STXBP5L: variants seen among roughly 807,000 people sequenced by gnomAD.
STXBP5L encodes the protein syntaxin-binding protein 5-like.
STXBP5L carries 65 observed loss-of-function variants against 144.5 expected under a neutral mutation model. The ratio of observed to expected loss-of-function variants is 0.45; its 90% CI spans 0.37 to 0.55. STXBP5L has a LOEUF of 0.55. Ranked by LOEUF, STXBP5L falls within the 20% of genes least tolerant of loss-of-function variation. The probability of loss-of-function intolerance (pLI) is 0.00; values close to 1 mark genes in which losing one functional copy is unlikely to be tolerated. For missense variants in STXBP5L, 1,298 were observed against 1,405.5 expected, an observed-to-expected ratio of 0.92 and a Z score of 1.22; for synonymous variants, 505 against 469.6, an observed-to-expected ratio of 1.08 and a Z score of -0.97.
intron 6 of STXBP5L, among the ~76,000 whole-genome samples, chr3:121,115,990 C>G (rs952497061): frequency 6.6e-6 from 1 of 152,136 alleles, no homozygotes; most frequent in African/African-American, 2.4e-5. Flanking sequence ...ATCCACTTCC[C>G]ATGATCCAAA....
At chr3:121,400,936 C>G (rs1298982971) in intron 22 of STXBP5L, among the ~76,000 whole-genome samples, 4 of 151,872 alleles carry the variant, frequency 2.6e-5, no homozygotes, top group African/African-American at 9.7e-5. Context: ...ACATAAATAG[C>G]AAATATAAAA....
chr3:120,923,920 A>G (rs1392495456), intron 2 of STXBP5L, among the ~76,000 whole-genome samples: 1 of 151,746 alleles, frequency 6.6e-6, no homozygotes, highest in Non-Finnish European at 1.5e-5. Context: ...TCCGTTACTG[A>G]GAGAGATTTT....
intron 3 of STXBP5L, among the ~76,000 whole-genome samples, chr3:121,029,170 A>G (rs947909767): frequency 6.6e-6 from 1 of 152,206 alleles, no homozygotes; most frequent in Non-Finnish European, 1.5e-5. Flanking sequence ...ACAGAATTAG[A>G]AAATACTACT....
chr3:120,923,792 GA>G (rs1027807843), intron 2 of STXBP5L, among the ~76,000 whole-genome samples: 2 of 151,988 alleles, frequency 1.3e-5, no homozygotes, highest in African/African-American at 2.4e-5. Flanking sequence ...ATGTGCTGAT[GA>G]AAAAAATGTG....
At chr3:121,365,980 T>G (rs554811158) in intron 20 of STXBP5L, among the ~76,000 whole-genome samples, 1 of 151,976 alleles carries the variant, frequency 6.6e-6, no homozygotes, top group Non-Finnish European at 1.5e-5. Context: ...TTCATTTATC[T>G]CTAATTATTT....
At chr3:121,287,588 T>C (rs557663330) in intron 19 of STXBP5L, among the ~76,000 whole-genome samples, 9 of 152,188 alleles carry the variant, frequency 5.9e-5, no homozygotes, top group Admixed American at 3.3e-4. Flanking sequence ...CCCAGCACTT[T>C]GGGAGGCTGA....
intron 24 of STXBP5L, 56 bp from the exon 25 acceptor site, chr3:121,415,801 G>A (rs1218949214): frequency 8.2e-7 from 1 of 1,216,776 alleles, no homozygotes; most frequent in Non-Finnish European, 1.2e-6. Context: ...TTACCTTTTT[G>A]TATATTAATT....
At chr3:120,933,260 A>G (rs1710062416) in intron 2 of STXBP5L, among the ~76,000 whole-genome samples, 1 of 152,164 alleles carries the variant, frequency 6.6e-6, no homozygotes, top group African/African-American at 2.4e-5. Context: ...TTGTGTATGA[A>G]TTAGGCTGAG....
rs186090016 is a variant in STXBP5L at position 120,989,644 on chromosome 3, C to T, written c.287+34607C>T. Among the ~76,000 whole-genome samples, 1,106 of 152,174 alleles carry T rather than the reference C, an allele frequency of 7.3e-3. 13 individuals carry two copies. Among genetic ancestry groups the T allele is most frequent in the African/African-American group, 0.026 (1,061 of 41,524 alleles). ...GGACTATAACTCGAATTTTATGTTT[C>T]TGCATTTCTCTTTCCCGCTCTACTA... On this transcript the variant is annotated intron_variant, in intron 3 of 26. Transcript: ENST00000471454.
intron 2 of STXBP5L, among the ~76,000 whole-genome samples, chr3:120,937,075 G>A (rs1710303913): frequency 1.3e-5 from 2 of 152,068 alleles, no homozygotes; most frequent in African/African-American, 4.8e-5. Flanking sequence ...TCCCCTACCT[G>A]GAAGGCTGGA....
At chr3:121,058,172 G>T (rs1203065240) in intron 5 of STXBP5L, among the ~76,000 whole-genome samples, 1 of 152,084 alleles carries the variant, frequency 6.6e-6, no homozygotes, top group African/African-American at 2.4e-5. Context: ...TCCCCTCCCT[G>T]TGTCCATGTG....
At chr3:121,369,344 T>G (rs2045959442) in intron 20 of STXBP5L, among the ~76,000 whole-genome samples, 1 of 150,516 alleles carries the variant, frequency 6.6e-6, no homozygotes, top group Non-Finnish European at 1.5e-5. Flanking sequence ...TGTTTGGCTT[T>G]TTTTTTTTTA....
intron 20 of STXBP5L, among the ~76,000 whole-genome samples, chr3:121,338,087 C>T (rs1414397436): frequency 6.6e-6 from 1 of 151,954 alleles, no homozygotes; most frequent in Non-Finnish European, 1.5e-5. Flanking sequence ...GCACTAAATG[C>T]CTACATCAAA....
chr3:121,035,336 G>C (rs1946677394), intron 3 of STXBP5L, among the ~76,000 whole-genome samples: 1 of 152,098 alleles, frequency 6.6e-6, no homozygotes, highest in African/African-American at 2.4e-5. Context: ...TAGTTCTATA[G>C]TTTGAGGTCA....
At chr3:121,159,290 G>A (rs2108011006) in intron 9 of STXBP5L, among the ~76,000 whole-genome samples, 1 of 151,464 alleles carries the variant, frequency 6.6e-6, no homozygotes, top group Admixed American at 6.6e-5. Context: ...TAGTTATTTA[G>A]ACATGTGCTT....
chr3:121,280,081 C>A, intron 19 of STXBP5L, 125 bp downstream of exon 19: 1 of 1,153,620 alleles, frequency 8.7e-7, no homozygotes, highest in Non-Finnish European at 1.2e-6. Flanking sequence ...ACATAATTTA[C>A]AAAATCATGT....
At chr3:121,081,513 G>T (rs1382713263) in intron 5 of STXBP5L, among the ~76,000 whole-genome samples, 1 of 152,134 alleles carries the variant, frequency 6.6e-6, no homozygotes, top group Non-Finnish European at 1.5e-5. Context: ...CCAGATGCTG[G>T]TTGTAGTAGT....
chr3:121,313,446 C>G (rs79934519), intron 19 of STXBP5L, among the ~76,000 whole-genome samples: 24,275 of 62,864 alleles, frequency 0.39, 6,739 homozygotes, highest in East Asian at 0.71. Context: ...GGGGCTGACC[C>G]CCCCACCTCC....
At chr3:121,128,744 G>A (rs552702341) in intron 7 of STXBP5L, among the ~76,000 whole-genome samples, 3 of 152,136 alleles carry the variant, frequency 2.0e-5, no homozygotes, top group Non-Finnish European at 4.4e-5. Context: ...TGACTGGGAT[G>A]TTGTTTGCCT....
Sources: allele counts gnomAD v4.1 joint callset (sites outside exome capture counted in the v4.1 genomes callset), GRCh38; gene constraint gnomAD v4.1.1; transcripts MANE v1.5; gene names NCBI Gene and HGNC (gene_info 2026-07-23, HGNC 2026-07-21).